The following STK33 variants were observed in gnomAD, a reference collection of about 807,000 sequenced individuals.
STK33 encodes serine/threonine kinase 33.
STK33 carries 52 observed loss-of-function variants against 58.0 expected under a neutral mutation model. The observed-to-expected ratio is 0.90, with a 90% CI of 0.72 to 1.13. The LOEUF (loss-of-function observed/expected upper bound fraction) is 1.13. STK33 is among the 50% of genes most tolerant of loss of function. The pLI, the probability that STK33 is intolerant of heterozygous loss-of-function variation, is 0.00. For missense variants in STK33, 630 were observed against 604.2 expected (o/e 1.04, Z -0.45); for synonymous variants, 215 against 200.1 (o/e 1.07, Z -0.63).
At chr11:8,485,764 A>G (rs930179267) in intron 1 of STK33, among the ~76,000 whole-genome samples, 3 of 152,220 alleles carry the variant, frequency 2.0e-5, no homozygotes, top group Non-Finnish European at 4.4e-5. Flanking sequence ...GTGGAGCTTA[A>G]GTCATTAGAC....
chr11:8,478,550 C>A (rs1449225132), intron 2 of STK33, among the ~76,000 whole-genome samples: 1 of 152,024 alleles, frequency 6.6e-6, no homozygotes, highest in Non-Finnish European at 1.5e-5. Context: ...ATAAAAAGGT[C>A]TTTTACATAT....
intron 1 of STK33, among the ~76,000 whole-genome samples, chr11:8,506,895 C>G (rs1235808105): frequency 1.3e-5 from 2 of 152,076 alleles, no homozygotes; most frequent in Non-Finnish European, 2.9e-5. Context: ...TAAATTATCC[C>G]TTTCTCCCCT....
At chr11:8,553,450 C>A (rs1390013074) in intron 1 of STK33, among the ~76,000 whole-genome samples, 1 of 151,666 alleles carries the variant, frequency 6.6e-6, no homozygotes, top group Non-Finnish European at 1.5e-5. Flanking sequence ...TACAATGTTG[C>A]TAGGCAACAG....
At chr11:8,575,138 T>C (rs1347019576) in intron 1 of STK33, among the ~76,000 whole-genome samples, 1 of 152,196 alleles carries the variant, frequency 6.6e-6, no homozygotes, top group Non-Finnish European at 1.5e-5. Context: ...GGAACCCTCA[T>C]ACATTGCTGC....
chr11:8,411,973 G>C (rs1187655016), intron 15 of STK33, among the ~76,000 whole-genome samples: 1 of 152,160 alleles, frequency 6.6e-6, no homozygotes, highest in Non-Finnish European at 1.5e-5. Context: ...GGCTGGAGGA[G>C]TGGGAGGGGA....
intron 7 of STK33, 25 bp downstream of exon 7, chr11:8,464,684 G>A (rs777439980): frequency 1.9e-6 from 3 of 1,540,358 alleles, no homozygotes; most frequent in Non-Finnish European, 2.7e-6. Context: ...TGTGCCCTCA[G>A]TAGGATGCTG....
the STK33 span, among the ~76,000 whole-genome samples, chr11:8,364,264 C>T: frequency 6.6e-6 from 1 of 152,222 alleles, no homozygotes; most frequent in African/African-American, 2.4e-5. Context: ...ACTCCATTTA[C>T]GTTGGAGTCG....
At position 8,564,377 on chromosome 11, in the gene STK33, C is replaced by T. The variant is rs553349648; in HGVS notation, c.-466+29706G>A. On this transcript the variant is annotated intron_variant, in intron 1 of 15. Coordinates refer to ENST00000687296, the MANE Select transcript of STK33 (RefSeq NM_001352389.2). The stretch of plus-strand genomic sequence containing the variant: ...GAAGAAAGCAGGCACTCTGGCCTTA[C>T]GCAATTCTGCTGAGCCTGCTCTGCT... 2.6e-3 allele frequency among the ~76,000 whole-genome samples: 389 copies of T among 152,282 alleles called. 1 individual carries two copies. Among genetic ancestry groups the T allele is most frequent in the Admixed American group, 2.7e-3 (41 of 15,296 alleles).
chr11:8,417,881 T>C (rs746178751), intron 14 of STK33, among the ~76,000 whole-genome samples: 1 of 152,130 alleles, frequency 6.6e-6, no homozygotes, highest in Non-Finnish European at 1.5e-5. Flanking sequence ...CAATACTTGA[T>C]CAAAATGTAA....
chr11:8,450,032 A>G (rs553623364), intron 11 of STK33, among the ~76,000 whole-genome samples: 1 of 152,300 alleles, frequency 6.6e-6, no homozygotes, highest in South Asian at 2.1e-4. Flanking sequence ...ATACCATTTG[A>G]CCCAGCAATC....
At chr11:8,464,402 C>T (rs1947920372) in intron 7 of STK33, among the ~76,000 whole-genome samples, 1 of 152,180 alleles carries the variant, frequency 6.6e-6, no homozygotes, top group Non-Finnish European at 1.5e-5. Context: ...GCCCACAGCC[C>T]TATGCCTACA....
the STK33 span, among the ~76,000 whole-genome samples, chr11:8,346,108 C>T: frequency 6.6e-6 from 1 of 152,200 alleles, no homozygotes; most frequent in Non-Finnish European, 1.5e-5. Flanking sequence ...CAGGTGTGAC[C>T]AGGCTTGAGA....
chr11:8,473,979 C>T (rs936431742), intron 5 of STK33, among the ~76,000 whole-genome samples: 5 of 152,146 alleles, frequency 3.3e-5, no homozygotes, highest in African/African-American at 1.2e-4. Flanking sequence ...TCAAGACCAG[C>T]CTGACCAACA....
intron 1 of STK33, among the ~76,000 whole-genome samples, chr11:8,506,773 T>A (rs919959468): frequency 6.6e-6 from 1 of 152,050 alleles, no homozygotes; most frequent in Non-Finnish European, 1.5e-5. Context: ...TTATGGCCAT[T>A]TTCCCTCTTA....
intron 1 of STK33, among the ~76,000 whole-genome samples, chr11:8,545,018 CA>C (rs1453349653): frequency 6.6e-6 from 1 of 152,102 alleles, no homozygotes; most frequent in African/African-American, 2.4e-5. Context: ...AAAAGCTTTT[CA>C]AATGTTTATT....
chr11:8,474,931 CTTT>C lies in STK33; in HGVS notation c.-29_-27del. The C allele has an allele frequency of 6.5e-7, 1 of 1,542,666 alleles. No homozygotes were observed. On this transcript the variant is annotated 5_prime_UTR_variant, in exon 5 of 16. Transcript: ENST00000687296. ...TTGTTTAACTCTGCAACAAAAGCAACTTTAAAAATGTTTCCACTGTTTGAGGAA... is the reference window on the plus strand; with the variant it reads ...TTGTTTAACTCTGCAACAAAAGCAACAAAAATGTTTCCACTGTTTGAGGAA...
chr11:8,492,671 T>C (rs1177067590), intron 1 of STK33, among the ~76,000 whole-genome samples: 1 of 152,174 alleles, frequency 6.6e-6, no homozygotes, highest in Admixed American at 6.5e-5. Flanking sequence ...ATCACACTTA[T>C]TCCAAAATTG....
chr11:8,575,784 G>A (rs1958137794), intron 1 of STK33, among the ~76,000 whole-genome samples: 1 of 152,064 alleles, frequency 6.6e-6, no homozygotes, highest in South Asian at 2.1e-4. Context: ...CGACCAAGTA[G>A]GGTTCATCCT....
At chr11:8,569,325 T>G (rs940804819) in intron 1 of STK33, among the ~76,000 whole-genome samples, 1 of 152,208 alleles carries the variant, frequency 6.6e-6, no homozygotes, top group Admixed American at 6.5e-5. Flanking sequence ...AGAAGTCAAC[T>G]GATTTTTGAC....
Sources: allele counts gnomAD v4.1 joint callset (sites outside exome capture counted in the v4.1 genomes callset), GRCh38; gene constraint gnomAD v4.1.1; transcripts MANE v1.5; gene names NCBI Gene and HGNC (gene_info 2026-07-23, HGNC 2026-07-21).